SLC12A3: variants seen among roughly 807,000 people sequenced by gnomAD.
SLC12A3 encodes Na-Cl cotransporter.
A neutral mutation model predicts 121.0 loss-of-function variants in SLC12A3; 104 were observed. The observed-to-expected ratio is 0.86, with a 90% CI of 0.73 to 1.01. The LOEUF is 1.01. Among genes scored for constraint, SLC12A3 ranks in the 50% least tolerant of loss-of-function variants. The pLI, the probability that SLC12A3 is intolerant of heterozygous loss-of-function variation, is 0.00. For missense variants in SLC12A3, 1,328 were observed against 1,356.3 expected (o/e 0.98, Z 0.33); for synonymous variants, 536 against 533.4 (o/e 1.00, Z -0.07).
intron 10 of SLC12A3, 140 bp downstream of exon 10, chr16:56,879,367 C>T: frequency 5.0e-6 from 6 of 1,190,716 alleles, no homozygotes; most frequent in Non-Finnish European, 7.3e-6. Flanking sequence ...GGTTCAGAGC[C>T]CAGGTCTGTC....
chr16:56,879,193 A>G lies in SLC12A3; in HGVS notation c.1301A>G (p.His434Arg), dbSNP rs867121271. Residue 434 changes from histidine (H) to arginine (R), a missense_variant, in exon 10 of 26, where the codon CAC becomes CGC. By Grantham distance (29) the His-to-Arg change is conservative. Transcript: ENST00000563236. The stretch of plus-strand genomic sequence containing the variant: ...AACTTCACCGAGTGCACCCAGCAGC[A>G]CAGCTGCCACTACGGCCTCATCAAC... Reference protein sequence around the residue: ...GWNFTECTQQHSCHYGLINYY... With the variant: ...GWNFTECTQQRSCHYGLINYY... The G allele has an allele frequency of 1.2e-6, 2 of 1,612,920 alleles. No individual in the cohort carries two copies. The highest frequency in any genetic ancestry group is 1.7e-5 in the Admixed American group (1 of 59,998).
intron 14 of SLC12A3, among the ~76,000 whole-genome samples, chr16:56,884,793 GTC>G (rs1379420124): frequency 6.6e-6 from 1 of 152,138 alleles, no homozygotes; most frequent in Non-Finnish European, 1.5e-5. Context: ...GGGGTGCAGT[GTC>G]TCATTCTGTC....
In SLC12A3 at chr16:56,867,148, G is replaced by A. The variant is rs375698195; in HGVS notation, c.361G>A (p.Glu121Lys). 8.7e-6 allele frequency: 14 copies of A among 1,613,932 alleles called. No individual in the cohort carries two copies. The highest frequency in any genetic ancestry group is 1.1e-5 in the Non-Finnish European group (13 of 1,180,012). The change falls in exon 2 of 26, where the codon GAG becomes AAG. Residue 121 changes from glutamate (E) to lysine (K), a missense_variant. Physicochemically the swap from Glu to Lys is moderately conservative, Grantham distance 56. Coordinates refer to ENST00000563236, the MANE Select transcript of SLC12A3 (RefSeq NM_001126108.2). ...HEMTDGLVEG[E>K]AGTSSEKNPE... ...GATGACTGATGGGCTGGTGGAGGGC[G>A]AGGCAGGCACCAGCAGCGAGAAGAA...
Sources: allele counts gnomAD v4.1 joint callset (sites outside exome capture counted in the v4.1 genomes callset), GRCh38; gene constraint gnomAD v4.1.1; transcripts MANE v1.5; gene names NCBI Gene and HGNC (gene_info 2026-07-23, HGNC 2026-07-21).